The following RAB3C variants were observed in gnomAD, a reference collection of about 807,000 sequenced individuals.
RAB3C encodes RAB3C, member RAS oncogene family.
Under a neutral mutation model 26.4 loss-of-function variants are expected in RAB3C, and 17 were observed. That is an observed-to-expected ratio of 0.64 (90% CI 0.44 to 0.97). RAB3C has a LOEUF of 0.97. Ranked by LOEUF, RAB3C falls within the 50% of genes least tolerant of loss-of-function variation. The pLI is 0.00. For synonymous variants in RAB3C, 91 were observed against 95.9 expected (o/e 0.95, Z 0.30); for missense variants, 242 against 281.9 (o/e 0.86, Z 1.01).
intron 3 of RAB3C, among the ~76,000 whole-genome samples, chr5:58,812,566 C>T (rs1182660207): frequency 1.3e-5 from 2 of 152,072 alleles, no homozygotes; most frequent in Non-Finnish European, 1.5e-5. Flanking sequence ...TTGGTGTGGC[C>T]CAGACTGCAA....
At chr5:58,797,353 AAT>A (rs1407880964) in intron 3 of RAB3C, among the ~76,000 whole-genome samples, 3 of 26,020 alleles carry the variant, frequency 1.2e-4, no homozygotes, top group African/African-American at 7.0e-4. Flanking sequence ...AAAAAAAAAA[AAT>A]ATGTATATAT....
chr5:58,587,692 C>G (rs1462571237), intron 1 of RAB3C, among the ~76,000 whole-genome samples: 11 of 152,214 alleles, frequency 7.2e-5, no homozygotes, highest in Admixed American at 6.5e-4. Flanking sequence ...TTCTAATCAT[C>G]CCTGAGTATT....
chr5:58,849,555 A>C (rs1046241620), intron 4 of RAB3C, among the ~76,000 whole-genome samples: 2 of 152,192 alleles, frequency 1.3e-5, no homozygotes, highest in Non-Finnish European at 2.9e-5. Context: ...AATGTAGACT[A>C]TAAGAGAGCC....
At chr5:58,777,822 C>T (rs561849450) in intron 3 of RAB3C, among the ~76,000 whole-genome samples, 12 of 151,832 alleles carry the variant, frequency 7.9e-5, no homozygotes, top group Non-Finnish European at 1.5e-4. Context: ...TCAATTCCCA[C>T]CTCTAAGTGA....
At chr5:58,849,281 G>C (rs764802881) in intron 4 of RAB3C, among the ~76,000 whole-genome samples, 6 of 150,080 alleles carry the variant, frequency 4.0e-5, no homozygotes, top group Non-Finnish European at 5.9e-5. Context: ...TTCTTCAAAG[G>C]CTCATTCAGG....
chr5:58,818,749 T>A lies in RAB3C; in HGVS notation c.372-6289T>A, dbSNP rs532443410. Among the ~76,000 whole-genome samples, 228 of 152,342 alleles carry A rather than the reference T, an allele frequency of 1.5e-3. 1 individual carries two copies. The highest frequency in any genetic ancestry group is 5.3e-3 in the African/African-American group (221 of 41,582). On this transcript the variant is annotated intron_variant, in intron 3 of 4. Transcript: ENST00000282878. ...TGGTGACAGCCACTCGCTTTCAGTG[T>A]GTGTCTCTACCCAACAAAGAAATAA...
At chr5:58,731,716 A>T (rs1304381502) in intron 3 of RAB3C, among the ~76,000 whole-genome samples, 1 of 152,178 alleles carries the variant, frequency 6.6e-6, no homozygotes, top group Non-Finnish European at 1.5e-5. Flanking sequence ...CTCAGGACAG[A>T]CTATCTGGTA....
intron 1 of RAB3C, among the ~76,000 whole-genome samples, chr5:58,612,538 A>G (rs1012168791): frequency 0.2 from 12,706 of 63,558 alleles, 736 homozygotes; most frequent in Non-Finnish European, 0.28. Context: ...ATATATATAT[A>G]TATATATATG....
intron 2 of RAB3C, among the ~76,000 whole-genome samples, chr5:58,623,977 A>G (rs985383022): frequency 6.6e-6 from 1 of 152,162 alleles, no homozygotes; most frequent in Non-Finnish European, 1.5e-5. Context: ...GCTGTTAAGT[A>G]TTTGCTATGG....
chr5:58,738,528 T>C (rs548640241), intron 3 of RAB3C, among the ~76,000 whole-genome samples: 59 of 143,568 alleles, frequency 4.1e-4, no homozygotes, highest in Non-Finnish European at 6.3e-4. Context: ...AGAGAGACAC[T>C]TGTCCTCTAT....
chr5:58,703,380 C>G (rs1027483190), intron 2 of RAB3C, among the ~76,000 whole-genome samples: 1 of 152,038 alleles, frequency 6.6e-6, no homozygotes. Flanking sequence ...TGGGGTTTCT[C>G]CGTGTTAGTG....
At chr5:58,663,067 T>TA (rs1747936447) in intron 2 of RAB3C, among the ~76,000 whole-genome samples, 1 of 150,434 alleles carries the variant, frequency 6.6e-6, no homozygotes, top group Non-Finnish European at 1.5e-5. Context: ...TAAATAGTAC[T>TA]TCTGCATTTT....
intron 3 of RAB3C, among the ~76,000 whole-genome samples, chr5:58,732,622 T>G (rs1197941586): frequency 2.6e-5 from 4 of 152,170 alleles, no homozygotes; most frequent in Non-Finnish European, 5.9e-5. Context: ...ATCCAAGAAC[T>G]GAATGGTAAC....
intron 3 of RAB3C, among the ~76,000 whole-genome samples, chr5:58,809,899 G>A (rs779319570): frequency 2.6e-5 from 4 of 152,190 alleles, no homozygotes; most frequent in Non-Finnish European, 4.4e-5. Context: ...AAGACATACT[G>A]CAAACTAGTA....
intron 2 of RAB3C, among the ~76,000 whole-genome samples, chr5:58,725,439 T>A (rs1010846710): frequency 6.6e-6 from 1 of 151,922 alleles, no homozygotes; most frequent in Non-Finnish European, 1.5e-5. Flanking sequence ...TGGTATTCCC[T>A]GACCTTGCTA....
intron 3 of RAB3C, among the ~76,000 whole-genome samples, chr5:58,797,800 T>C (rs2112023121): frequency 6.6e-6 from 1 of 152,294 alleles, no homozygotes; most frequent in East Asian, 1.9e-4. Flanking sequence ...ATGGTCAAGG[T>C]ATCCCCATTA....
intron 2 of RAB3C, among the ~76,000 whole-genome samples, chr5:58,624,279 A>C (rs1365510758): frequency 6.6e-6 from 1 of 152,052 alleles, no homozygotes; most frequent in Non-Finnish European, 1.5e-5. Context: ...GAGGATGCCC[A>C]ACACCATCCT....
At chr5:58,752,638 T>C (rs903843763) in intron 3 of RAB3C, among the ~76,000 whole-genome samples, 1 of 152,186 alleles carries the variant, frequency 6.6e-6, no homozygotes, top group African/African-American at 2.4e-5. Flanking sequence ...AATGACAATC[T>C]GATTGCTGAT....
At chr5:58,777,676 A>G (rs1026841237) in intron 3 of RAB3C, among the ~76,000 whole-genome samples, 1 of 148,654 alleles carries the variant, frequency 6.7e-6, no homozygotes, top group Admixed American at 6.8e-5. Context: ...TACATGAGCC[A>G]TGTTGGTGTG....
Sources: allele counts gnomAD v4.1 joint callset (sites outside exome capture counted in the v4.1 genomes callset), GRCh38; gene constraint gnomAD v4.1.1; transcripts MANE v1.5; gene names NCBI Gene and HGNC (gene_info 2026-07-23, HGNC 2026-07-21).